The following MTFR1 variants were observed in gnomAD, a reference collection of about 807,000 sequenced individuals.
MTFR1 encodes chondrocyte protein with a poly-proline region.
In MTFR1, 28 loss-of-function variants were observed where a neutral mutation model predicts 38.8. The observed-to-expected ratio is 0.72, with a 90% confidence interval of 0.53 to 0.99. The LOEUF is 0.99. Ranked by LOEUF, MTFR1 falls within the 50% of genes least tolerant of loss-of-function variation. The pLI, the probability that MTFR1 is intolerant of heterozygous loss-of-function variation, is 0.00. For missense variants in MTFR1, 358 were observed against 395.5 expected (o/e 0.91, Z 0.81); for synonymous variants, 145 against 137.0 (o/e 1.06, Z -0.41).
At chr8:65,776,675 T>C in the MTFR1 span, among the ~76,000 whole-genome samples, 29 of 152,356 alleles carry the variant, frequency 1.9e-4, no homozygotes, top group East Asian at 4.8e-3. Flanking sequence ...ATTCAAATTA[T>C]ATATTATGTT....
chr8:65,766,414 C>T (rs772337783), intron 3 of MTFR1, among the ~76,000 whole-genome samples: 1 of 152,192 alleles, frequency 6.6e-6, no homozygotes, highest in South Asian at 2.1e-4. Flanking sequence ...GTTACTTACT[C>T]AAAAGAGTGA....
chr8:65,739,164 T>C (rs994262357), intron 3 of MTFR1, among the ~76,000 whole-genome samples: 2 of 152,246 alleles, frequency 1.3e-5, no homozygotes, highest in African/African-American at 2.4e-5. Flanking sequence ...AAATCTATTA[T>C]GGTGCCAAAC....
chr8:65,689,462 T>G (rs1805205894), intron 3 of MTFR1: 1 of 507,934 alleles, frequency 2.0e-6, no homozygotes, highest in African/African-American at 2.0e-5. Context: ...AATTGAATTT[T>G]GGGTAATTTA....
chr8:65,759,051 G>A (rs1164782307), intron 3 of MTFR1, among the ~76,000 whole-genome samples: 1 of 152,218 alleles, frequency 6.6e-6, no homozygotes, highest in Non-Finnish European at 1.5e-5. Flanking sequence ...CACTGCTGCA[G>A]TACCCCCAGA....
At chr8:65,706,290 A>T (rs571177390) in intron 5 of MTFR1, among the ~76,000 whole-genome samples, 1 of 152,384 alleles carries the variant, frequency 6.6e-6, no homozygotes, top group East Asian at 1.9e-4. Context: ...CTCTATTTAT[A>T]AGCTGAAACT....
At chr8:65,749,616 A>G (rs1807842738) in intron 3 of MTFR1, among the ~76,000 whole-genome samples, 1 of 152,262 alleles carries the variant, frequency 6.6e-6, no homozygotes, top group Non-Finnish European at 1.5e-5. Context: ...CAATGTTCCA[A>G]GTGCTTTGTA....
chr8:65,740,182 G>A (rs1199353614), intron 3 of MTFR1, among the ~76,000 whole-genome samples: 1 of 147,786 alleles, frequency 6.8e-6, no homozygotes, highest in African/African-American at 2.5e-5. Flanking sequence ...GGGGTGGGGA[G>A]GGGGAATCAC....
chr8:65,731,671 T>C (rs1806894374), intron 3 of MTFR1: 1 of 152,184 alleles, frequency 6.6e-6, no homozygotes, highest in Non-Finnish European at 1.5e-5. Context: ...TTAGTGACAA[T>C]GCATATATAG....
intron 1 of MTFR1, among the ~76,000 whole-genome samples, chr8:65,645,977 G>C (rs1808955907): frequency 6.6e-6 from 1 of 152,162 alleles, no homozygotes; most frequent in African/African-American, 2.4e-5. Flanking sequence ...TTAAAGTGTA[G>C]ACAGTGCTCA....
At chr8:65,682,322 A>G in intron 2 of MTFR1, 31 bp from the exon 3 acceptor site, 1 of 1,206,274 alleles carries the variant, frequency 8.3e-7, no homozygotes, top group Non-Finnish European at 1.2e-6. Context: ...ACATCTTGTA[A>G]TTAAGCTTTC....
intron 3 of MTFR1, among the ~76,000 whole-genome samples, chr8:65,744,905 A>G (rs888094710): frequency 2.0e-5 from 3 of 152,222 alleles, no homozygotes; most frequent in Non-Finnish European, 4.4e-5. Context: ...TCACTTAAAA[A>G]GAGAAAAAAA....
chr8:65,682,638 G>C, intron 3 of MTFR1, 187 bp downstream of exon 3: 1 of 589,010 alleles, frequency 1.7e-6, no homozygotes, highest in Non-Finnish European at 2.1e-6. Context: ...TGACGTGATT[G>C]AGATTTTTAA....
intron 2 of MTFR1, among the ~76,000 whole-genome samples, chr8:65,717,325 C>G (rs909719950): frequency 6.6e-6 from 1 of 152,184 alleles, no homozygotes; most frequent in Non-Finnish European, 1.5e-5. Flanking sequence ...TGATATCAAT[C>G]AAGTAGAGTG....
At chr8:65,707,352 C>A in intron 6 of MTFR1, 96 bp downstream of exon 6, 1 of 1,291,412 alleles carries the variant, frequency 7.7e-7, no homozygotes, top group Non-Finnish European at 1.1e-6. Flanking sequence ...ACATGACTGC[C>A]ATGAATAGTT....
At chr8:65,743,643 T>C (rs1003251612) in intron 3 of MTFR1, among the ~76,000 whole-genome samples, 10 of 152,210 alleles carry the variant, frequency 6.6e-5, no homozygotes, top group South Asian at 4.1e-4. Flanking sequence ...AAGACCCACA[T>C]TGATTCTCAA....
At chr8:65,731,980 ATTATTATTGTTGTTG>A (rs1806909028) in intron 3 of MTFR1, among the ~76,000 whole-genome samples, 2 of 151,454 alleles carry the variant, frequency 1.3e-5, no homozygotes, top group African/African-American at 2.4e-5. Context: ...TATTATTATT[ATTATTATTGTTGTTG>A]TTGTTGTTGT....
At chr8:65,771,280 T>A (rs1461266807), downstream of MTFR1, 1 of 152,918 alleles carries the variant, frequency 6.5e-6, no homozygotes, top group African/African-American at 2.4e-5. Flanking sequence ...AATATTGCAA[T>A]ATAGATGTCT....
intron 4 of MTFR1, among the ~76,000 whole-genome samples, chr8:65,700,817 C>T (rs561359914): frequency 7.9e-5 from 12 of 152,318 alleles, no homozygotes; most frequent in Non-Finnish European, 1.8e-4. Flanking sequence ...CTAGGAAATT[C>T]CTTGTGGGCC....
At chr8:65,662,861 G>A (rs908440614) in intron 1 of MTFR1, among the ~76,000 whole-genome samples, 2 of 151,650 alleles carry the variant, frequency 1.3e-5, no homozygotes, top group Admixed American at 1.3e-4. Context: ...GGGAGGTGGG[G>A]GGGTTAGGCC....
Sources: gnomAD v4.1 joint callset for allele counts (sites outside exome capture counted in the v4.1 genomes callset) on GRCh38, gnomAD v4.1.1 for gene constraint, MANE v1.5 for transcripts, NCBI Gene and HGNC (gene_info 2026-07-23, HGNC 2026-07-21) for gene names.